Variants in PACRG observed in about 807,000 individuals in gnomAD.
The protein encoded by PACRG is parkin coregulated.
In PACRG, 29 loss-of-function variants were observed where a neutral mutation model predicts 29.7. The ratio of observed to expected loss-of-function variants is 0.98; its 90% CI spans 0.73 to 1.33. PACRG has a LOEUF of 1.33. PACRG is among the 40% of genes most tolerant of loss of function. The pLI is 0.00. For missense variants in PACRG, 279 were observed against 316.2 expected, an observed-to-expected ratio of 0.88 and a Z score of 0.89; for synonymous variants, 116 against 118.7, an observed-to-expected ratio of 0.98 and a Z score of 0.15.
At chr6:163,098,094 T>G (rs1358216219) in intron 4 of PACRG, among the ~76,000 whole-genome samples, 1 of 152,110 alleles carries the variant, frequency 6.6e-6, no homozygotes, top group Non-Finnish European at 1.5e-5. Context: ...TTATATAGGG[T>G]TAAATGAAAC....
chr6:162,759,659 T>A (rs935177118), intron 1 of PACRG, among the ~76,000 whole-genome samples: 1 of 152,180 alleles, frequency 6.6e-6, no homozygotes, highest in Admixed American at 6.5e-5. Flanking sequence ...ACAAGAGATG[T>A]GTATTCGTTG....
At chr6:163,243,143 C>T (rs1562335379) in intron 4 of PACRG, among the ~76,000 whole-genome samples, 1 of 152,216 alleles carries the variant, frequency 6.6e-6, no homozygotes, top group African/African-American at 2.4e-5. Flanking sequence ...TCATAGGTTA[C>T]GTGATGTATC....
At chr6:163,063,998 A>C (rs1400125658) in intron 3 of PACRG, among the ~76,000 whole-genome samples, 1 of 152,168 alleles carries the variant, frequency 6.6e-6, no homozygotes, top group Non-Finnish European at 1.5e-5. Context: ...GCTTTCTCTG[A>C]TAAACAAGAA....
intron 4 of PACRG, among the ~76,000 whole-genome samples, chr6:163,237,861 T>C (rs1782315522): frequency 6.6e-6 from 1 of 152,218 alleles, no homozygotes; most frequent in Non-Finnish European, 1.5e-5. Context: ...GAAAAGATTA[T>C]AGTTACCAGT....
At chr6:162,762,116 C>A (rs1782421751) in intron 1 of PACRG, among the ~76,000 whole-genome samples, 1 of 152,064 alleles carries the variant, frequency 6.6e-6, no homozygotes, top group Non-Finnish European at 1.5e-5. Context: ...ATTAACTGGA[C>A]TTTAGTAGGT....
At chr6:163,103,244 GA>G (rs1220908349) in intron 4 of PACRG, among the ~76,000 whole-genome samples, 2 of 152,186 alleles carry the variant, frequency 1.3e-5, no homozygotes, top group Non-Finnish European at 2.9e-5. Flanking sequence ...GGTGTTGATA[GA>G]AATCAGTTCT....
At chr6:162,975,830 C>G (rs1801905825) in intron 2 of PACRG, among the ~76,000 whole-genome samples, 2 of 151,878 alleles carry the variant, frequency 1.3e-5, no homozygotes, top group South Asian at 4.2e-4. Flanking sequence ...TCCTCCCTTC[C>G]TCCCTCTCTC....
intron 4 of PACRG, among the ~76,000 whole-genome samples, chr6:163,260,933 C>CT (rs1232400317): frequency 6.0e-4 from 89 of 149,422 alleles, no homozygotes; most frequent in African/African-American, 1.0e-3. Context: ...ATCTAGGAAC[C>CT]TTTTTTTTTT....
chr6:162,985,541 T>G (rs1228994279), intron 2 of PACRG, among the ~76,000 whole-genome samples: 1 of 152,070 alleles, frequency 6.6e-6, no homozygotes, highest in East Asian at 1.9e-4. Context: ...AAAATCAGTA[T>G]AGAACAGACA....
At chr6:162,977,370 A>T (rs1034635543) in intron 2 of PACRG, among the ~76,000 whole-genome samples, 4 of 150,574 alleles carry the variant, frequency 2.7e-5, no homozygotes, top group East Asian at 4.0e-4. Flanking sequence ...TAAACATATA[A>T]ACAAGATACC....
chr6:163,122,819 C>T (rs1562928479), intron 4 of PACRG, among the ~76,000 whole-genome samples: 2 of 152,188 alleles, frequency 1.3e-5, no homozygotes, highest in Admixed American at 6.5e-5. Context: ...GGTATACATA[C>T]ATTTATGTTA....
At position 163,167,969 on chromosome 6, in the gene PACRG, G is replaced by A. The variant is rs144567829; in HGVS notation, c.613+78561G>A. On this transcript the variant is annotated intron_variant, in intron 4 of 4. Transcript: ENST00000366888. ...GCTACTCTTTCCGATAGTTCCCATA[G>A]GTTTCCAATTGAACATAGTATTTTT... is the stretch of plus-strand genomic sequence containing the variant. 3.5e-3 allele frequency among the ~76,000 whole-genome samples: 530 copies of A among 152,262 alleles called. 1 individual carries two copies. Among genetic ancestry groups the A allele is most frequent in the Non-Finnish European group, 5.4e-3 (369 of 68,032 alleles).
In PACRG at chr6:162,969,046, C is replaced by CA. The variant is rs35665491; in HGVS notation, c.292-93084dup. ...TGGGGAACAGAGCGAGACTCTATCA[C>CA]AAAAAAAAAAAAAAAAAAAAGTAAC... On this transcript the variant is annotated intron_variant, in intron 2 of 4. Transcript: ENST00000366888. Among the ~76,000 whole-genome samples, 550 of 72,824 alleles carry CA rather than the reference C, an allele frequency of 7.6e-3. 6 individuals are homozygous for CA. The highest frequency in any genetic ancestry group is 0.023 in the African/African-American group (387 of 16,746). 47.8% of individuals were successfully genotyped at this position (72,824 alleles called of 152,430 possible). A position where few individuals can be genotyped will look rare whatever the true frequency, so the allele number is the denominator to read the frequency against.
At chr6:163,269,843 A>AAG (rs1438380333) in intron 4 of PACRG, among the ~76,000 whole-genome samples, 1 of 79,806 alleles carries the variant, frequency 1.3e-5, no homozygotes, top group Non-Finnish European at 2.5e-5. Context: ...AAGAAAAAGA[A>AAG]AGAAAGAAAG....
At chr6:163,124,229 C>T (rs1057140026) in intron 4 of PACRG, among the ~76,000 whole-genome samples, 55 of 152,160 alleles carry the variant, frequency 3.6e-4, no homozygotes, top group African/African-American at 1.2e-3. Flanking sequence ...AATATGTTCT[C>T]CCATTGCATA....
chr6:162,781,984 T>A (rs997676567), intron 1 of PACRG, among the ~76,000 whole-genome samples: 2 of 151,792 alleles, frequency 1.3e-5, no homozygotes, highest in Admixed American at 6.6e-5. Context: ...CTAGATTGAA[T>A]TTAAAAGCAA....
At chr6:162,984,473 T>G (rs1802704757) in intron 2 of PACRG, among the ~76,000 whole-genome samples, 1 of 152,110 alleles carries the variant, frequency 6.6e-6, no homozygotes, top group African/African-American at 2.4e-5. Context: ...ATTGTGCTGC[T>G]GTCAACATGC....
At chr6:163,303,219 G>A (rs930463479) in intron 4 of PACRG, among the ~76,000 whole-genome samples, 37 of 152,174 alleles carry the variant, frequency 2.4e-4, no homozygotes, top group Non-Finnish European at 4.4e-4. Flanking sequence ...AGCTACTCGG[G>A]AGGCTGAGGC....
At chr6:163,078,340 A>G (rs1235991601) in intron 3 of PACRG, among the ~76,000 whole-genome samples, 1 of 151,790 alleles carries the variant, frequency 6.6e-6, no homozygotes, top group Non-Finnish European at 1.5e-5. Flanking sequence ...TTCTCTACTA[A>G]AAGGATACAA....
Sources: gnomAD v4.1 joint callset for allele counts (sites outside exome capture counted in the v4.1 genomes callset) on GRCh38, gnomAD v4.1.1 for gene constraint, MANE v1.5 for transcripts, NCBI Gene and HGNC (gene_info 2026-07-23, HGNC 2026-07-21) for gene names.